ACTR3C: variants seen among roughly 807,000 people sequenced by gnomAD.
ACTR3C encodes actin-related protein 3C.
ACTR3C carries 18 observed loss-of-function variants against 26.3 expected under a neutral mutation model. The observed-to-expected ratio is 0.68, with a 90% CI of 0.47 to 1.01. The LOEUF (loss-of-function observed/expected upper bound fraction) is 1.01. Among genes scored for constraint, ACTR3C ranks in the 50% least tolerant of loss-of-function variants. ACTR3C has a pLI of 0.00. For missense variants in ACTR3C, 184 were observed against 250.7 expected, an observed-to-expected ratio of 0.73 and a Z score of 1.80; for synonymous variants, 55 against 94.5, an observed-to-expected ratio of 0.58 and a Z score of 2.42.
At chr7:150,034,343 T>C in the ACTR3C span, among the ~76,000 whole-genome samples, 13 of 151,666 alleles carry the variant, frequency 8.6e-5, no homozygotes, top group Non-Finnish European at 1.9e-4. Context: ...CCATCTTTTC[T>C]CTCTCTGACG....
intron 6 of ACTR3C, among the ~76,000 whole-genome samples, chr7:150,265,464 C>A (rs1833962423): frequency 1.3e-5 from 2 of 151,888 alleles, no homozygotes; most frequent in Admixed American, 6.6e-5. Flanking sequence ...GAGGCCGAGG[C>A]AGGCGGATCA....
chr7:150,215,857 T>A, the ACTR3C span, among the ~76,000 whole-genome samples: 30 of 152,274 alleles, frequency 2.0e-4, no homozygotes, highest in African/African-American at 7.0e-4. Context: ...AATTATCAAA[T>A]GGTGTAAATG....
At chr7:150,202,980 C>T in the ACTR3C span, among the ~76,000 whole-genome samples, 1 of 152,196 alleles carries the variant, frequency 6.6e-6, no homozygotes, top group Admixed American at 6.5e-5. Flanking sequence ...ACCACTAAGA[C>T]CGTTTTCACG....
At chr7:150,273,330 C>T (rs1383689260) in intron 6 of ACTR3C, among the ~76,000 whole-genome samples, 4 of 144,158 alleles carry the variant, frequency 2.8e-5, no homozygotes, top group Admixed American at 6.9e-5. Flanking sequence ...AAGGCTGGAG[C>T]GCAGTGGTGC....
At chr7:149,984,816 T>G in the ACTR3C span, among the ~76,000 whole-genome samples, 7 of 152,124 alleles carry the variant, frequency 4.6e-5, no homozygotes, top group Admixed American at 4.6e-4. Context: ...CCAGCCAACA[T>G]GTAAGGAGAA....
the ACTR3C span, among the ~76,000 whole-genome samples, chr7:149,886,957 CA>C: frequency 0.048 from 6,481 of 136,076 alleles, 340 homozygotes; most frequent in African/African-American, 0.13. Flanking sequence ...GAGACTGACT[CA>C]AAAAAAAAAA....
At chr7:150,302,548 T>C (rs968385766) in intron 1 of ACTR3C, among the ~76,000 whole-genome samples, 1 of 151,818 alleles carries the variant, frequency 6.6e-6, no homozygotes, top group Non-Finnish European at 1.5e-5. Flanking sequence ...ATGAAAACTG[T>C]AAGGAAATGA....
the ACTR3C span, among the ~76,000 whole-genome samples, chr7:150,085,494 A>G: frequency 1.3e-5 from 2 of 152,184 alleles, no homozygotes; most frequent in Non-Finnish European, 2.9e-5. Flanking sequence ...TAAAGGCCAT[A>G]AAAGTGGTGA....
At chr7:149,964,469 T>C in the ACTR3C span, among the ~76,000 whole-genome samples, 1 of 152,016 alleles carries the variant, frequency 6.6e-6, no homozygotes, top group East Asian at 1.9e-4. Context: ...GGGGAGGTGA[T>C]GGTAATTTCA....
At chr7:150,060,005 A>G in the ACTR3C span, among the ~76,000 whole-genome samples, 2 of 152,254 alleles carry the variant, frequency 1.3e-5, no homozygotes, top group South Asian at 4.1e-4. Flanking sequence ...TTCGGCACAC[A>G]TGATATTGCT....
In ACTR3C at chr7:150,247,245, T is replaced by C. The variant is rs1286428640; in HGVS notation, c.*363A>G. ...ATAACCATTTATTTCTGGCACAGCT[T>C]TCCCTCTCTCTCTCCAGGTGAAGTT... On this transcript the variant is annotated 3_prime_UTR_variant, in exon 8 of 8. Transcript: ENST00000683684. 6.6e-6 allele frequency: 1 copy of C among 152,226 alleles called. No homozygotes were observed. Among genetic ancestry groups the C allele is most frequent in the African/African-American group, 2.4e-5 (1 of 41,464 alleles). 9.4% of individuals were successfully genotyped at this position (152,226 alleles called of 1,614,324 possible).
chr7:150,092,747 C>T, the ACTR3C span, among the ~76,000 whole-genome samples: 983 of 150,524 alleles, frequency 6.5e-3, 57 homozygotes, highest in African/African-American at 0.023. Flanking sequence ...TTCAGGCCAA[C>T]GGAATATGGG....
chr7:150,099,959 C>T, the ACTR3C span, among the ~76,000 whole-genome samples: 1 of 151,648 alleles, frequency 6.6e-6, no homozygotes, highest in Non-Finnish European at 1.5e-5. Flanking sequence ...GCAGCTGGCA[C>T]CCATAAGTAT....
At chr7:150,028,947 CT>C in the ACTR3C span, among the ~76,000 whole-genome samples, 78,036 of 137,006 alleles carry the variant, frequency 0.57, 16,186 homozygotes, top group Non-Finnish European at 0.61. Flanking sequence ...TTTTCCAGGC[CT>C]TCCCTGAGGC....
chr7:150,095,716 C>T, the ACTR3C span, among the ~76,000 whole-genome samples: 8 of 149,252 alleles, frequency 5.4e-5, no homozygotes, highest in Admixed American at 1.3e-4. Context: ...TTTGACATAA[C>T]GGACTATCAT....
chr7:150,029,147 G>A, the ACTR3C span, among the ~76,000 whole-genome samples: 23 of 151,924 alleles, frequency 1.5e-4, no homozygotes, highest in Non-Finnish European at 2.1e-4. Flanking sequence ...CTCCCACAGT[G>A]GCCTGTGTTC....
At chr7:150,111,775 G>A in the ACTR3C span, among the ~76,000 whole-genome samples, 8 of 136,056 alleles carry the variant, frequency 5.9e-5, no homozygotes, top group African/African-American at 2.3e-4. Flanking sequence ...AAGGGCAGGG[G>A]AAGAGCAGGC....
At chr7:149,881,684 G>A in the ACTR3C span, 1 of 152,476 alleles carries the variant, frequency 6.6e-6, no homozygotes, top group Non-Finnish European at 1.5e-5. Flanking sequence ...GGTTGCTCAG[G>A]GGGTTCAGAG....
intron 6 of ACTR3C, among the ~76,000 whole-genome samples, chr7:150,265,641 C>T (rs553555188): frequency 3.9e-5 from 6 of 152,228 alleles, no homozygotes; most frequent in African/African-American, 1.4e-4. Flanking sequence ...TTGCAGTGAG[C>T]CGAGATGGCA....
Sources: gnomAD v4.1 joint callset for allele counts (sites outside exome capture counted in the v4.1 genomes callset) on GRCh38, gnomAD v4.1.1 for gene constraint, MANE v1.5 for transcripts, NCBI Gene and HGNC (gene_info 2026-07-23, HGNC 2026-07-21) for gene names.